RAP1GAP2: variants seen among roughly 807,000 people sequenced by gnomAD.
RAP1GAP2 encodes the protein RAP1 GTPase activating protein 2.
RAP1GAP2 carries 27 observed loss-of-function variants against 95.0 expected under a neutral mutation model. The ratio of observed to expected loss-of-function variants is 0.28; its 90% CI spans 0.21 to 0.39. The LOEUF is 0.39. Ranked by LOEUF, RAP1GAP2 falls within the 10% of genes least tolerant of loss-of-function variation. The pLI, the probability that RAP1GAP2 is intolerant of heterozygous loss-of-function variation, is 1.00. For missense variants in RAP1GAP2, 771 were observed against 970.0 expected, an observed-to-expected ratio of 0.79 and a Z score of 2.72; for synonymous variants, 373 against 380.9, an observed-to-expected ratio of 0.98 and a Z score of 0.24.
chr17:2,802,038 A>C (rs974478602), intron 2 of RAP1GAP2, among the ~76,000 whole-genome samples: 3 of 152,180 alleles, frequency 2.0e-5, no homozygotes, highest in Non-Finnish European at 4.4e-5. Flanking sequence ...CTAGGAGGAA[A>C]AAAGCATTGG....
At chr17:2,890,766 G>C (rs2073684389) in intron 2 of RAP1GAP2, among the ~76,000 whole-genome samples, 1 of 149,716 alleles carries the variant, frequency 6.7e-6, no homozygotes, top group African/African-American at 2.5e-5. Context: ...CTCACTGCAA[G>C]CTCCGCCTCC....
At chr17:2,794,661 A>C (rs2069018882), upstream of RAP1GAP2, among the ~76,000 whole-genome samples, 1 of 152,194 alleles carries the variant, frequency 6.6e-6, no homozygotes, top group Admixed American at 6.5e-5. Context: ...CAGCCCACTC[A>C]GGGCTTGAGG....
At chr17:2,820,116 G>A (rs145796272) in intron 2 of RAP1GAP2, among the ~76,000 whole-genome samples, 1 of 152,044 alleles carries the variant, frequency 6.6e-6, no homozygotes, top group African/African-American at 2.4e-5. Flanking sequence ...ATATTAATTT[G>A]TACAAATAGA....
chr17:2,913,295 C>CT (rs916624971), intron 3 of RAP1GAP2, among the ~76,000 whole-genome samples: 49 of 132,694 alleles, frequency 3.7e-4, no homozygotes, highest in African/African-American at 1.1e-3. Context: ...ATTCTGTTCT[C>CT]TTTTTTTTTT....
chr17:2,826,745 C>T (rs535844528), intron 2 of RAP1GAP2, among the ~76,000 whole-genome samples: 25 of 152,258 alleles, frequency 1.6e-4, no homozygotes, highest in African/African-American at 5.8e-4. Flanking sequence ...CGGTGGCTCA[C>T]GCCTGTAATC....
intron 3 of RAP1GAP2, among the ~76,000 whole-genome samples, chr17:2,951,612 G>T (rs1032395464): frequency 1.3e-5 from 2 of 152,104 alleles, no homozygotes; most frequent in African/African-American, 2.4e-5. Context: ...CTGCTACTTG[G>T]GAGGCTGGGG....
upstream of RAP1GAP2, among the ~76,000 whole-genome samples, chr17:2,772,855 C>CTTTCTTT (rs1555540245): frequency 6.3e-5 from 8 of 126,066 alleles, no homozygotes; most frequent in South Asian, 2.9e-4. Flanking sequence ...TTCTTTCTTT[C>CTTTCTTT]TTTTTTTTTT....
At chr17:2,838,535 C>T (rs1166511633) in intron 2 of RAP1GAP2, among the ~76,000 whole-genome samples, 1 of 152,074 alleles carries the variant, frequency 6.6e-6, no homozygotes, top group African/African-American at 2.4e-5. Flanking sequence ...GTTGTTGACC[C>T]CTCGGGATGT....
chr17:2,981,704 AG>A (rs2151539024), intron 10 of RAP1GAP2, among the ~76,000 whole-genome samples: 1 of 152,276 alleles, frequency 6.6e-6, no homozygotes, highest in African/African-American at 2.4e-5. Flanking sequence ...CGGCCATATA[AG>A]CCTCTGCTGC....
At chr17:2,900,450 C>A (rs2041989826) in intron 2 of RAP1GAP2, among the ~76,000 whole-genome samples, 1 of 151,888 alleles carries the variant, frequency 6.6e-6, no homozygotes, top group African/African-American at 2.4e-5. Flanking sequence ...TTAATTAATT[C>A]ATTTTTTTGA....
intron 2 of RAP1GAP2, among the ~76,000 whole-genome samples, chr17:2,896,095 A>G (rs9890242): frequency 0.89 from 134,772 of 151,996 alleles, 59,888 homozygotes; most frequent in Admixed American, 0.93. Context: ...TGGTCTCCCA[A>G]GGAGAACCAG....
At chr17:2,820,891 GGTTT>G (rs2070262773) in intron 2 of RAP1GAP2, among the ~76,000 whole-genome samples, 2 of 114,010 alleles carry the variant, frequency 1.8e-5, no homozygotes, top group African/African-American at 6.7e-5. Flanking sequence ...CCCGGATAAT[GGTTT>G]TTTTTTTTTT....
intron 18 of RAP1GAP2, among the ~76,000 whole-genome samples, chr17:3,019,847 C>G (rs1214850690): frequency 1.3e-5 from 2 of 152,124 alleles, no homozygotes; most frequent in South Asian, 2.1e-4. Flanking sequence ...GAGGTTGGTT[C>G]CAGGCTCCCA....
chr17:2,842,020 GT>G (rs2071391932), intron 2 of RAP1GAP2, among the ~76,000 whole-genome samples: 1 of 152,188 alleles, frequency 6.6e-6, no homozygotes, highest in Non-Finnish European at 1.5e-5. Flanking sequence ...ACAGCTCAGG[GT>G]CTGAAAGGCG....
chr17:2,881,915 G>C (rs537660203), intron 2 of RAP1GAP2, among the ~76,000 whole-genome samples: 11 of 152,134 alleles, frequency 7.2e-5, no homozygotes, highest in Admixed American at 3.3e-4. Flanking sequence ...CTGTCTCCCG[G>C]GTTCACGCCA....
Position 3,005,481 on chromosome 17 carries a change from C to G in RAP1GAP2, c.1272+41C>G. ...TTCTGCCCCTCTCGCATCCACGATG[C>G]CAGGTCTCAGTGCTTGAGTAGCAAT... On this transcript the variant is annotated intron_variant, in intron 15 of 24. Transcript: ENST00000254695. The surrounding 1 kb of genome is among the most constrained non-coding windows in gnomAD (Gnocchi z 5.2). 6.4e-7 allele frequency: 1 copy of G among 1,571,696 alleles called. No individual in the cohort carries two copies. Among genetic ancestry groups the G allele is most frequent in the Non-Finnish European group, 8.8e-7 (1 of 1,141,410 alleles).
intron 2 of RAP1GAP2, among the ~76,000 whole-genome samples, chr17:2,829,379 C>T (rs139216530): frequency 9.9e-5 from 15 of 152,202 alleles, no homozygotes; most frequent in Non-Finnish European, 1.5e-4. Context: ...CCTTCCTTCC[C>T]GTGGCTTCAG....
intron 1 of RAP1GAP2, among the ~76,000 whole-genome samples, chr17:2,786,406 C>T (rs1420794213): frequency 6.6e-6 from 1 of 152,248 alleles, no homozygotes; most frequent in Non-Finnish European, 1.5e-5. Flanking sequence ...TAGAAACAAG[C>T]CCAGGAAGAC....
At chr17:2,954,428 G>A (rs536837277) in intron 3 of RAP1GAP2, among the ~76,000 whole-genome samples, 52 of 152,054 alleles carry the variant, frequency 3.4e-4, no homozygotes, top group Non-Finnish European at 6.2e-4. Context: ...TTGTGTGGAC[G>A]TGTATTTTCC....
Sources: allele counts gnomAD v4.1 joint callset (sites outside exome capture counted in the v4.1 genomes callset), GRCh38; gene constraint gnomAD v4.1.1; non-coding constraint Gnocchi (gnomAD v3.1); transcripts MANE v1.5; gene names NCBI Gene and HGNC (gene_info 2026-07-23, HGNC 2026-07-21).